The following MTMR7 variants were observed in gnomAD, a reference collection of about 807,000 sequenced individuals.
MTMR7 encodes myotubularin related protein 7, also known as phosphatidylinositol-3-phosphate phosphatase MTMR7.
A neutral mutation model predicts 81.2 loss-of-function variants in MTMR7; 76 were observed. The observed-to-expected ratio is 0.94, with a 90% CI of 0.78 to 1.13. The LOEUF (loss-of-function observed/expected upper bound fraction) is 1.13. Among genes scored for constraint, MTMR7 ranks in the 50% most tolerant of loss-of-function variants. The probability of loss-of-function intolerance (pLI) is 0.00; values close to 1 mark genes in which losing one functional copy is unlikely to be tolerated. For missense variants in MTMR7, 1,044 were observed against 820.0 expected (o/e 1.27, Z -3.34); for synonymous variants, 372 against 289.8 (o/e 1.28, Z -2.88).
intron 3 of MTMR7, 65 bp downstream of exon 3, chr8:17,370,972 C>A (rs1002915234): frequency 7.8e-6 from 12 of 1,529,084 alleles, no homozygotes; most frequent in African/African-American, 1.4e-5. Context: ...CATACAAATT[C>A]TTGAATCTGA....
At chr8:17,359,949 C>T (rs923505656) in intron 4 of MTMR7, among the ~76,000 whole-genome samples, 2 of 152,114 alleles carry the variant, frequency 1.3e-5, no homozygotes, top group East Asian at 3.9e-4. Flanking sequence ...TATTAAAATG[C>T]TATCTTTTAA....
chr8:17,394,198 C>T (rs1821184044), intron 1 of MTMR7, among the ~76,000 whole-genome samples: 2 of 152,122 alleles, frequency 1.3e-5, no homozygotes, highest in African/African-American at 4.8e-5. Flanking sequence ...TGAGTATATA[C>T]CCAAGAGAAC....
At chr8:17,411,216 A>G (rs1821726252) in intron 1 of MTMR7, among the ~76,000 whole-genome samples, 1 of 152,190 alleles carries the variant, frequency 6.6e-6, no homozygotes, top group African/African-American at 2.4e-5. Flanking sequence ...TTAGGGTTGT[A>G]ATTATTTATT....
intron 6 of MTMR7, among the ~76,000 whole-genome samples, chr8:17,332,923 G>A (rs556382480): frequency 1.1e-4 from 17 of 152,290 alleles, no homozygotes; most frequent in African/African-American, 3.1e-4. Flanking sequence ...CATGGCAGGC[G>A]ACAGGAGAAT....
chr8:17,389,463 A>G (rs921246344), intron 1 of MTMR7, among the ~76,000 whole-genome samples: 1 of 152,226 alleles, frequency 6.6e-6, no homozygotes, highest in Non-Finnish European at 1.5e-5. Flanking sequence ...CTGAAACAAC[A>G]ATGATCACAC....
At chr8:17,327,444 T>A (rs1217717276) in intron 7 of MTMR7, among the ~76,000 whole-genome samples, 1 of 151,742 alleles carries the variant, frequency 6.6e-6, no homozygotes, top group Non-Finnish European at 1.5e-5. Flanking sequence ...TTGATTTTTT[T>A]TATTTTTTAA....
intron 1 of MTMR7, among the ~76,000 whole-genome samples, chr8:17,388,232 G>C (rs1418675218): frequency 6.6e-6 from 1 of 152,070 alleles, no homozygotes; most frequent in Non-Finnish European, 1.5e-5. Context: ...TTGAACAAGA[G>C]CAAAGTCCCA....
At chr8:17,360,224 G>A (rs958205670) in intron 4 of MTMR7, among the ~76,000 whole-genome samples, 19 of 152,250 alleles carry the variant, frequency 1.2e-4, no homozygotes, top group African/African-American at 4.3e-4. Context: ...AGGTTTGTGT[G>A]TGCAAACATA....
intron 12 of MTMR7, among the ~76,000 whole-genome samples, chr8:17,303,414 C>G (rs187009993): frequency 6.7e-4 from 102 of 152,160 alleles, no homozygotes; most frequent in Admixed American, 3.1e-3. Context: ...AAGTCTGTGT[C>G]GGGAGTGAGT....
chr8:17,352,321 T>C (rs1048389109), intron 4 of MTMR7, among the ~76,000 whole-genome samples: 3 of 151,946 alleles, frequency 2.0e-5, no homozygotes, highest in Admixed American at 6.6e-5. Flanking sequence ...ATAGCATGGG[T>C]GCCAAGACTA....
At chr8:17,300,935 C>T (rs186881215) in intron 13 of MTMR7, among the ~76,000 whole-genome samples, 110 of 152,318 alleles carry the variant, frequency 7.2e-4, no homozygotes, top group African/African-American at 2.5e-3. Flanking sequence ...ATTCATGGTA[C>T]AGCATGTATC....
At chr8:17,384,603 A>C (rs752327428) in intron 1 of MTMR7, among the ~76,000 whole-genome samples, 19 of 152,192 alleles carry the variant, frequency 1.2e-4, no homozygotes, top group Non-Finnish European at 2.5e-4. Context: ...AAGAAGAAAA[A>C]CTGAAGCTAT....
At chr8:17,401,681 G>T (rs1399313629) in intron 1 of MTMR7, among the ~76,000 whole-genome samples, 1 of 152,050 alleles carries the variant, frequency 6.6e-6, no homozygotes, top group South Asian at 2.1e-4. Context: ...TTTACTATTG[G>T]CATAGATATG....
chr8:17,338,143 G>C (rs896320024), intron 6 of MTMR7, among the ~76,000 whole-genome samples: 1 of 152,220 alleles, frequency 6.6e-6, no homozygotes, highest in Non-Finnish European at 1.5e-5. Context: ...CTCACGTGAA[G>C]TGTGCGTGCA....
chr8:17,411,176 C>A (rs1821725451), intron 1 of MTMR7, among the ~76,000 whole-genome samples: 1 of 152,102 alleles, frequency 6.6e-6, no homozygotes, highest in South Asian at 2.1e-4. Context: ...AATCATTTAT[C>A]TTTGACCATT....
chr8:17,395,686 C>A (rs542836264), intron 1 of MTMR7, among the ~76,000 whole-genome samples: 17 of 152,268 alleles, frequency 1.1e-4, no homozygotes, highest in African/African-American at 3.9e-4. Context: ...GTGATGTTGG[C>A]TATCTTTTGA....
intron 5 of MTMR7, among the ~76,000 whole-genome samples, chr8:17,347,732 C>T (rs559084749): frequency 6.6e-6 from 1 of 152,270 alleles, no homozygotes; most frequent in South Asian, 2.1e-4. Context: ...AATTTGTTTT[C>T]CTATCCTCCG....
chr8:17,312,376 AC>A (rs1293383145), intron 8 of MTMR7, among the ~76,000 whole-genome samples: 1 of 152,126 alleles, frequency 6.6e-6, no homozygotes, highest in African/African-American at 2.4e-5. Context: ...GGAGTCCGTG[AC>A]CAGCCTGACC....
intron 1 of MTMR7, among the ~76,000 whole-genome samples, chr8:17,379,979 G>A (rs1035665151): frequency 6.6e-6 from 1 of 152,110 alleles, no homozygotes; most frequent in African/African-American, 2.4e-5. Context: ...GAGGAGGGGA[G>A]AGTAATTAAG....
Sources: gnomAD v4.1 joint callset for allele counts (sites outside exome capture counted in the v4.1 genomes callset) on GRCh38, gnomAD v4.1.1 for gene constraint, MANE v1.5 for transcripts, NCBI Gene and HGNC (gene_info 2026-07-23, HGNC 2026-07-21) for gene names.